Variants in NFATC1 observed in about 807,000 individuals in gnomAD.
NFATC1 encodes the protein nuclear factor of activated T-cells, cytoplasmic 1.
In NFATC1, 22 loss-of-function variants were observed where a neutral mutation model predicts 76.0. That is an observed-to-expected ratio of 0.29 (90% CI 0.21 to 0.41). The LOEUF (loss-of-function observed/expected upper bound fraction) is 0.41, where lower values mean the gene tolerates loss of function less well. Ranked by LOEUF, NFATC1 falls within the 10% of genes least tolerant of loss-of-function variation. NFATC1 has a pLI of 1.00. For synonymous variants in NFATC1, 704 were observed against 613.1 expected (o/e 1.15, Z -2.19); for missense variants, 1,357 against 1,337.7 (o/e 1.01, Z -0.23).
intron 9 of NFATC1, among the ~76,000 whole-genome samples, chr18:79,493,172 T>A (rs1012136110): frequency 6.6e-6 from 1 of 152,218 alleles, no homozygotes; most frequent in African/African-American, 2.4e-5. Context: ...CCTTTTCTAA[T>A]GTGATCTCCA....
intron 3 of NFATC1, among the ~76,000 whole-genome samples, chr18:79,435,994 G>A (rs1318590898): frequency 1.3e-5 from 2 of 152,192 alleles, no homozygotes; most frequent in Non-Finnish European, 2.9e-5. Context: ...CAAGTGTGAG[G>A]TAAAAGCAGC....
chr18:79,464,706 A>ATT (rs200598018), intron 7 of NFATC1, among the ~76,000 whole-genome samples: 10 of 81,734 alleles, frequency 1.2e-4, no homozygotes, highest in African/African-American at 3.5e-4. Flanking sequence ...TTATTTATTT[A>ATT]TTTATTTTTT....
Position 79,524,878 on chromosome 18 carries a change from CG to C in NFATC1, c.2783-2646del, listed in dbSNP as rs1238138159. Among the ~76,000 whole-genome samples the C allele has an allele frequency of 1.3e-5, 2 of 151,982 alleles. No homozygotes were observed. The highest frequency in any genetic ancestry group is 3.9e-4 in the East Asian group (2 of 5,156). On this transcript the variant is annotated intron_variant, in intron 9 of 9. Transcript: ENST00000427363. This position sits in a 1 kb window ranked among gnomAD's most constrained non-coding sequence, Gnocchi z 7.2. The stretch of plus-strand genomic sequence containing the variant: ...TCAGCGACGCGCCCTCCTGTGCCCG[CG>C]GGGAACAAGACGGCTCTCGGCGGCC...
At chr18:79,436,513 G>A (rs1050063272) in intron 3 of NFATC1, among the ~76,000 whole-genome samples, 3 of 150,842 alleles carry the variant, frequency 2.0e-5, no homozygotes, top group East Asian at 2.2e-4. Context: ...CCCCGCGCCC[G>A]GTATCCCCGT....
rs541825196 is a variant in NFATC1 at position 79,503,621 on chromosome 18, G to T, written c.2782+16684G>T. ...TCTTAGGGGCCTTGGGATTTTCGGG[G>T]TGGCAGATGGACACTGGATTCAACT... is the stretch of plus-strand genomic sequence containing the variant. On this transcript the variant is annotated intron_variant, in intron 9 of 9. Transcript: ENST00000427363. 2.6e-5 allele frequency among the ~76,000 whole-genome samples: 4 copies of T among 152,162 alleles called. No individual in the cohort carries two copies. In the East Asian group the frequency reaches 7.7e-4, roughly 29 times the overall value.
At chr18:79,404,555 T>G (rs1212260305) in intron 1 of NFATC1, among the ~76,000 whole-genome samples, 2 of 152,244 alleles carry the variant, frequency 1.3e-5, no homozygotes, top group African/African-American at 4.8e-5. Flanking sequence ...CGTGGCTGTC[T>G]GGAGAGGTGA....
At chr18:79,499,136 T>A (rs144941690) in intron 9 of NFATC1, among the ~76,000 whole-genome samples, 2 of 152,362 alleles carry the variant, frequency 1.3e-5, no homozygotes, top group African/African-American at 4.8e-5. Flanking sequence ...GGAAACTGCA[T>A]AAGACACGAT....
intron 7 of NFATC1, among the ~76,000 whole-genome samples, chr18:79,463,002 G>A (rs1168637075): frequency 6.6e-6 from 1 of 152,230 alleles, no homozygotes; most frequent in East Asian, 1.9e-4. Context: ...GAGCGGTGCT[G>A]GCACCTTCAC....
intron 7 of NFATC1, among the ~76,000 whole-genome samples, chr18:79,464,648 T>TTGTG (rs140357862): frequency 0.048 from 6,248 of 131,338 alleles, 588 homozygotes; most frequent in African/African-American, 0.18. Flanking sequence ...ATATATGTGT[T>TTGTG]TGTGTGTGTG....
intron 3 of NFATC1, among the ~76,000 whole-genome samples, chr18:79,436,638 C>T (rs2086788923): frequency 6.6e-6 from 1 of 152,244 alleles, no homozygotes; most frequent in African/African-American, 2.4e-5. Flanking sequence ...ACCTTCTCTC[C>T]AGGAAGCATT....
At chr18:79,456,466 C>T (rs867296704) in intron 6 of NFATC1, among the ~76,000 whole-genome samples, 6 of 152,244 alleles carry the variant, frequency 3.9e-5, no homozygotes, top group Non-Finnish European at 7.3e-5. Flanking sequence ...GCCCCGAGGC[C>T]CCTGCAGGCC....
intron 3 of NFATC1, among the ~76,000 whole-genome samples, chr18:79,438,744 CAG>C (rs1208649491): frequency 6.6e-6 from 1 of 152,168 alleles, no homozygotes; most frequent in East Asian, 1.9e-4. Context: ...GGCGAAGACT[CAG>C]AGTCAGGAGG....
intron 9 of NFATC1, chr18:79,516,186 G>T (rs374382247): frequency 1.3e-5 from 2 of 151,984 alleles, no homozygotes; most frequent in Admixed American, 1.3e-4. Flanking sequence ...TGGCGGTCCC[G>T]CTCCCCACCA....
intron 7 of NFATC1, among the ~76,000 whole-genome samples, 194 bp from the exon 8 acceptor site, chr18:79,467,256 G>A (rs1568997535): frequency 6.7e-6 from 1 of 149,204 alleles, no homozygotes; most frequent in Non-Finnish European, 1.5e-5. Flanking sequence ...CCGCCCAGGT[G>A]GCTGCTTGGG....
intron 1 of NFATC1, among the ~76,000 whole-genome samples, chr18:79,397,586 C>T (rs115435781): frequency 0.015 from 2,231 of 152,318 alleles, 51 homozygotes; most frequent in African/African-American, 0.049. Flanking sequence ...ATGTTTAAAC[C>T]ATGTCCCGTG....
Position 79,402,135 on chromosome 18 carries a change from C to T in NFATC1, c.127+5784C>T, listed in dbSNP as rs555632628. ...GCCTCCGTGCACACGTGACTGTGCG[C>T]GACAGCAGCCTCGGGAAGGACACCG... On this transcript the variant is annotated intron_variant, in intron 1 of 9. Transcript: ENST00000427363. 1.1e-4 allele frequency among the ~76,000 whole-genome samples: 17 copies of T among 152,352 alleles called. No homozygotes were observed. The East Asian group carries it at 1.9e-3, about 17-fold the overall frequency.
chr18:79,412,685 G>A (rs1218094787), intron 2 of NFATC1, among the ~76,000 whole-genome samples: 8 of 152,284 alleles, frequency 5.3e-5, no homozygotes, highest in South Asian at 2.1e-4. Flanking sequence ...GGCTGGGAAC[G>A]AACCCACCCA....
chr18:79,511,510 T>C (rs550805151), intron 9 of NFATC1, among the ~76,000 whole-genome samples: 1 of 152,200 alleles, frequency 6.6e-6, no homozygotes, highest in Admixed American at 6.5e-5. Flanking sequence ...AGGTAATGGC[T>C]GTGAGGGCAC....
chr18:79,506,507 G>C (rs1411902731), intron 9 of NFATC1, among the ~76,000 whole-genome samples: 1 of 152,226 alleles, frequency 6.6e-6, no homozygotes, highest in African/African-American at 2.4e-5. Flanking sequence ...GGGCCTGAGA[G>C]CTGAGTGTGG....
Sources: gnomAD v4.1 joint callset for allele counts (sites outside exome capture counted in the v4.1 genomes callset) on GRCh38, gnomAD v4.1.1 for gene constraint, Gnocchi (gnomAD v3.1) non-coding constraint, MANE v1.5 for transcripts, NCBI Gene and HGNC (gene_info 2026-07-23, HGNC 2026-07-21) for gene names.